ITPK1: variants seen among roughly 807,000 people sequenced by gnomAD.
ITPK1 encodes inositol 1,3,4-trisphosphate 5/6-kinase.
Under a neutral mutation model 45.3 loss-of-function variants are expected in ITPK1, and 21 were observed. The ratio of observed to expected loss-of-function variants is 0.46; its 90% confidence interval spans 0.33 to 0.67. The LOEUF (loss-of-function observed/expected upper bound fraction) is 0.67, where lower values mean the gene tolerates loss of function less well. Among genes scored for constraint, ITPK1 ranks in the 30% least tolerant of loss-of-function variants. The pLI, the probability that ITPK1 is intolerant of heterozygous loss-of-function variation, is 0.02. For synonymous variants in ITPK1, 258 were observed against 253.6 expected (o/e 1.02, Z -0.16); for missense variants, 474 against 573.5 (o/e 0.83, Z 1.77).
At chr14:93,074,176 A>G (rs1385483800) in intron 3 of ITPK1, among the ~76,000 whole-genome samples, 3 of 152,208 alleles carry the variant, frequency 2.0e-5, no homozygotes, top group African/African-American at 7.2e-5. Context: ...GTATCGTGGT[A>G]GGTTTTATTT....
Position 92,941,842 on chromosome 14 carries a change from C to T in ITPK1, c.964G>A (p.Gly322Ser). The T allele has an allele frequency of 6.2e-7, 1 of 1,612,410 alleles. No homozygotes were observed. Among genetic ancestry groups the T allele is most frequent in the East Asian group, 2.2e-5 (1 of 44,868 alleles). The change falls in exon 11 of 11, where the codon GGC becomes AGC. Residue 322 changes from glycine (G) to serine (S), a missense_variant. Gly to Ser is a moderately conservative substitution (Grantham distance 56, BLOSUM62 0). Around this residue, in one of 2 missense-constraint regions of ITPK1, gnomAD observed 367 missense variants for 480.6 expected, o/e 0.76. Transcript: ENST00000267615. ...LLNHIATVLQ[G>S]QSTAMAATGD... ...GTGGCTGCCATGGCTGTGCTCTGGC[C>T]CTGCAGGACAGTGGCGATGTGGTTC...
intron 3 of ITPK1, among the ~76,000 whole-genome samples, chr14:93,020,486 GTCCCAGAGCAAAAGTTCAATCCTCTT>G (rs1337528011): frequency 6.6e-6 from 1 of 152,176 alleles, no homozygotes; most frequent in Non-Finnish European, 1.5e-5. Context: ...ATTGTTATGA[GTCCCAGAGCAAAAGTTCAATCCTCTT>G]TCACATTTCT....
At chr14:92,962,713 C>A in intron 6 of ITPK1, 38 bp downstream of exon 6, 1 of 1,485,594 alleles carries the variant, frequency 6.7e-7, no homozygotes, top group South Asian at 1.1e-5. Context: ...CTGCGGTCTA[C>A]AGCGCCTGCC....
chr14:92,960,781 G>T (rs1222720241), intron 7 of ITPK1, among the ~76,000 whole-genome samples: 1 of 152,252 alleles, frequency 6.6e-6, no homozygotes, highest in Non-Finnish European at 1.5e-5. Context: ...GGGGGCCTGG[G>T]GACCAACGCT....
chr14:92,946,584 G>T, intron 9 of ITPK1, 91 bp from the exon 10 acceptor site: 1 of 1,269,996 alleles, frequency 7.9e-7, no homozygotes, highest in East Asian at 2.4e-5. Flanking sequence ...CTGCCACGAG[G>T]CCCTGGCATG....
chr14:92,946,424 G>C lies in ITPK1; in HGVS notation c.808C>G (p.Arg270Gly), dbSNP rs776687818. The change falls in exon 10 of 11, where the codon CGG becomes GGG. Residue 270 changes from arginine (R) to glycine (G), a missense_variant. Transcript: ENST00000267615. ...EVIRELSRAL[R>G]QALGVSLFGI... ...AAGAGTGACACGCCCAGTGCCTGCC[G>C]CAGGGCCCGGGAGAGCTCCCGGATG... The C allele has an allele frequency of 9.3e-6, 15 of 1,612,980 alleles. No individual in the cohort carries two copies. In the Middle Eastern group the frequency reaches 2.1e-3, roughly 230 times the overall value.
chr14:93,097,629 C>T (rs1595213699), intron 2 of ITPK1, among the ~76,000 whole-genome samples: 1 of 152,210 alleles, frequency 6.6e-6, no homozygotes, highest in Admixed American at 6.5e-5. Context: ...AAAACTTTTA[C>T]CTACACGTAA....
chr14:93,091,795 C>T (rs566243472), intron 2 of ITPK1, among the ~76,000 whole-genome samples: 1 of 152,272 alleles, frequency 6.6e-6, no homozygotes, highest in Non-Finnish European at 1.5e-5. Context: ...CATAGAAGAG[C>T]AAGGAGGCAA....
Position 93,012,771 on chromosome 14 carries a change from G to GGGCAAA in ITPK1, c.246+3899_246+3904dup, listed in dbSNP as rs1354974401. 6.6e-6 allele frequency among the ~76,000 whole-genome samples: 1 copy of GGGCAAA among 152,206 alleles called. No homozygotes were observed. Among genetic ancestry groups the GGGCAAA allele is most frequent in the Non-Finnish European group, 1.5e-5 (1 of 68,024 alleles). ...ACCGTCCTTCCAGCTGATAAAGACAGGGCAAAGGCAGCAGTTGAGACTGAA... is the reference window on the plus strand; with the variant it reads ...ACCGTCCTTCCAGCTGATAAAGACAGGGCAAAGGCAAAGGCAGCAGTTGAGACTGAA... On this transcript the variant is annotated intron_variant, in intron 4 of 10. Coordinates refer to ENST00000267615, the MANE Select transcript of ITPK1 (RefSeq NM_014216.6). The surrounding 1 kb of genome is among the most constrained non-coding windows in gnomAD (Gnocchi z 4.9).
chr14:93,046,582 A>G (rs1889781578), intron 3 of ITPK1, among the ~76,000 whole-genome samples: 1 of 135,624 alleles, frequency 7.4e-6, no homozygotes, highest in South Asian at 2.6e-4. Flanking sequence ...GGGATGGCCC[A>G]GCAGCCGGGG....
intron 3 of ITPK1, chr14:93,066,232 A>G (rs1163018040): frequency 2.2e-6 from 1 of 455,794 alleles, no homozygotes; most frequent in Admixed American, 2.4e-5. Context: ...CTCCTCAGAG[A>G]CCAGCAAGTC....
rs1395022306 is a variant in ITPK1, at chr14:92,941,310, C to G, written c.*251G>C. The G allele has an allele frequency of 7.1e-7, 1 of 1,401,952 alleles. No individual in the cohort carries two copies. The highest frequency in any genetic ancestry group is 9.2e-7 in the Non-Finnish European group (1 of 1,085,650). The allele number at this position is 1,401,952 out of a possible 1,614,324, so 86.8% of individuals were successfully genotyped here. A position where few individuals can be genotyped will look rare whatever the true frequency, so the allele number is the denominator to read the frequency against. On this transcript the variant is annotated 3_prime_UTR_variant, in exon 11 of 11. Coordinates refer to ENST00000267615, the MANE Select transcript of ITPK1 (RefSeq NM_014216.6). ...TGTTGCAAACACAAGCGTGTGTAAA[C>G]TCAGTTAGGAGGTCTGCACAGTAGA...
intron 2 of ITPK1, among the ~76,000 whole-genome samples, chr14:93,093,519 G>A (rs372263429): frequency 2.0e-5 from 3 of 152,136 alleles, no homozygotes; most frequent in African/African-American, 7.2e-5. Context: ...TCAGCCCTGC[G>A]CTGAGGTCAA....
intron 4 of ITPK1, among the ~76,000 whole-genome samples, chr14:92,999,840 C>A (rs1887249359): frequency 1.3e-5 from 2 of 152,220 alleles, no homozygotes; most frequent in African/African-American, 2.4e-5. Flanking sequence ...CAGGGTTGTG[C>A]AACGATCAGC....
At chr14:92,955,948 C>T (rs542653577) in intron 8 of ITPK1, among the ~76,000 whole-genome samples, 4 of 152,186 alleles carry the variant, frequency 2.6e-5, no homozygotes, top group African/African-American at 4.8e-5. Flanking sequence ...AGAACATACA[C>T]GTAGAAACCA....
chr14:92,951,810 T>C (rs2273392), intron 9 of ITPK1, 136 bp downstream of exon 9: 60,080 of 678,664 alleles, frequency 0.089, 3,561 homozygotes, highest in East Asian at 0.24. Flanking sequence ...TCCTGGGGCC[T>C]GTGGCATGGA....
intron 4 of ITPK1, among the ~76,000 whole-genome samples, chr14:92,994,455 AC>A (rs1197788683): frequency 6.6e-6 from 1 of 152,202 alleles, no homozygotes; most frequent in Non-Finnish European, 1.5e-5. Context: ...CAGCCACCCA[AC>A]ACTCCTCAAG....
chr14:93,115,316 G>A lies in ITPK1; in HGVS notation c.-142-11C>T, dbSNP rs1892900999. 2 of 344,896 alleles carry A rather than the reference G, an allele frequency of 5.8e-6. No homozygotes were observed. The highest frequency in any genetic ancestry group is 4.9e-5 in the East Asian group (1 of 20,472). 21.4% of individuals were successfully genotyped at this position (344,896 alleles called of 1,614,324 possible). ...CTGGGGCGCGCAGTCCTGCCGCGCG[G>A]AGCGGAGCGGGGCGGGGCGCGGCGG... On this transcript the variant is annotated splice_polypyrimidine_tract_variant and intron_variant, in intron 1 of 10. Transcript: ENST00000267615.
At chr14:93,011,467 G>C (rs1406477407) in intron 4 of ITPK1, among the ~76,000 whole-genome samples, 6 of 152,250 alleles carry the variant, frequency 3.9e-5, no homozygotes, top group Non-Finnish European at 8.8e-5. Context: ...TCCTTCCAGG[G>C]ACAACATGAG....
Sources: allele counts gnomAD v4.1 joint callset (sites outside exome capture counted in the v4.1 genomes callset), GRCh38; gene constraint gnomAD v4.1.1; regional missense constraint gnomAD v4.1.1; non-coding constraint Gnocchi (gnomAD v3.1); transcripts MANE v1.5; gene names NCBI Gene and HGNC (gene_info 2026-07-23, HGNC 2026-07-21).